Variants in KMT2B observed in about 807,000 individuals in gnomAD.
KMT2B encodes lysine methyltransferase 2B.
KMT2B carries 22 observed loss-of-function variants against 255.3 expected under a neutral mutation model. The observed-to-expected ratio is 0.09, with a 90% confidence interval of 0.06 to 0.12. The LOEUF (loss-of-function observed/expected upper bound fraction) is 0.12, where lower values mean the gene tolerates loss of function less well. Among genes scored for constraint, KMT2B ranks in the 10% least tolerant of loss-of-function variants. The pLI is 1.00. For synonymous variants in KMT2B, 1,730 were observed against 1,498.1 expected (o/e 1.15, Z -3.57); for missense variants, 3,149 against 3,737.0 (o/e 0.84, Z 4.10).
chr19:35,732,279 C>A lies in KMT2B; in HGVS notation c.5730C>A (p.Pro1910=), dbSNP rs369542583. Residue 1910 remains proline, a synonymous_variant, in exon 28 of 37, where the codon CCC becomes CCA. Coordinates refer to ENST00000420124, the MANE Select transcript of KMT2B (RefSeq NM_014727.3). ...TVGDPDFPAP[P]RRSRRPSPLA... ...GAGACCCGGACTTCCCAGCTCCCCC[C>A]AGACGTTCCCGTCGTCCCAGCCCTT... 2.5e-5 allele frequency: 41 copies of A among 1,610,420 alleles called. No individual in the cohort carries two copies. The highest frequency in any genetic ancestry group is 1.6e-4 in the Middle Eastern group (1 of 6,072).
chr19:35,732,827 C>A lies in KMT2B; in HGVS notation c.6278C>A (p.Ala2093Glu). 4.4e-6 allele frequency: 7 copies of A among 1,607,194 alleles called. No individual in the cohort carries two copies. The highest frequency in any genetic ancestry group is 4.2e-6 in the Non-Finnish European group (5 of 1,177,544). Residue 2093 changes from alanine (A) to glutamate (E), a missense_variant, in exon 28 of 37, where the codon GCA (alanine) becomes GAA (glutamate). Ala to Glu is a moderately radical substitution (Grantham distance 107, BLOSUM62 -1). Transcript: ENST00000420124. ...CCTTCGGGGCCAGGAGTAGTCCGGG[C>A]AGGGGTCCTTGGGGCTGCAGGGGAC... ...TPPSGPGVVR[A>E]GVLGAAGDRA...
rs749575457 is a variant in KMT2B at position 35,738,473 on chromosome 19, C to T, written c.8064C>T (p.Tyr2688=). 1.9e-5 allele frequency: 31 copies of T among 1,613,990 alleles called. 1 individual carries two copies. Among genetic ancestry groups the T allele is most frequent in the South Asian group, 5.5e-5 (5 of 91,086 alleles). Residue 2688 remains tyrosine, a synonymous_variant, in exon 37 of 37, where the codon TAC becomes TAT. Coordinates refer to ENST00000420124, the MANE Select transcript of KMT2B (RefSeq NM_014727.3). The surrounding 1 kb of genome is among the most constrained non-coding windows in gnomAD (Gnocchi z 8.7). ...RRILRGEELT[Y]DYKFPIEDAS... ...TCCTGCGTGGTGAGGAGCTCACCTA[C>T]GACTACAAGTTCCCCATCGAGGATG...
Position 35,723,538 on chromosome 19 carries a change from G to A in KMT2B, c.3058+36G>A, listed in dbSNP as rs755007412. On this transcript the variant is annotated intron_variant, in intron 7 of 36. Transcript: ENST00000420124. This position sits in a 1 kb window ranked among gnomAD's most constrained non-coding sequence, Gnocchi z 7.5. ...TTAAGGAGCATTTCTTCTCAAAACC[G>A]TGTTAGAGTTTGTGCTGTGGAGGGA... 8.4e-6 allele frequency: 13 copies of A among 1,540,908 alleles called. No homozygotes were observed. Among genetic ancestry groups the A allele is most frequent in the South Asian group, 4.8e-5 (4 of 83,144 alleles).
In KMT2B at chr19:35,723,475, C is replaced by A; in HGVS notation, c.3031C>A (p.Arg1011=). 1 of 1,574,520 alleles carries A rather than the reference C, an allele frequency of 6.4e-7. No individual in the cohort carries two copies. Among genetic ancestry groups the A allele is most frequent in the East Asian group, 2.4e-5 (1 of 42,462 alleles). Residue 1011 remains arginine (R), a synonymous_variant, in exon 7 of 37, where the codon CGG becomes AGG. Coordinates refer to ENST00000420124, the MANE Select transcript of KMT2B (RefSeq NM_014727.3). This position sits in a 1 kb window ranked among gnomAD's most constrained non-coding sequence, Gnocchi z 7.5. ...CCGGAAGTGTGACAAAATAGAGGCT[C>A]GGAAGATGGAACGACTGGCTAAAAA... ...VYRKCDKIEA[R]KMERLAKKGR...
At chr19:35,719,667 C>T in intron 2 of KMT2B, 117 bp from the exon 3 acceptor site, 1 of 1,511,020 alleles carries the variant, frequency 6.6e-7, no homozygotes, top group Non-Finnish European at 9.0e-7. Flanking sequence ...AGAGTCCAAG[C>T]TAGTCTGGGC....
intron 1 of KMT2B, 121 bp from the exon 2 acceptor site, chr19:35,719,348 C>T (rs1969088467): frequency 4.1e-6 from 3 of 726,048 alleles, no homozygotes; most frequent in Non-Finnish European, 6.8e-6. Flanking sequence ...CTTTTTCGTT[C>T]TTTTTAAATA....
In KMT2B at chr19:35,726,326, C is replaced by T; in HGVS notation, c.3976C>T (p.Pro1326Ser). Residue 1326 changes from proline to serine, a missense_variant, in exon 14 of 37, where the codon CCC (proline) becomes TCC (serine). This residue lies in a region of KMT2B where 377 missense variants were observed against 471.0 expected (regional missense o/e 0.80). Coordinates refer to ENST00000420124, the MANE Select transcript of KMT2B (RefSeq NM_014727.3). ...GTGGTCTGGAGATTACAGCCTCTGCCCCAGGTGCACCCAGCTATATGAGAA... is the reference window on the plus strand; with the variant it reads ...GTGGTCTGGAGATTACAGCCTCTGCTCCAGGTGCACCCAGCTATATGAGAA... ...VEWSGDYSLC[P>S]RCTQLYEKGN... 6.2e-7 allele frequency: 1 copy of T among 1,613,344 alleles called. No individual in the cohort carries two copies. Among genetic ancestry groups the T allele is most frequent in the Non-Finnish European group, 8.5e-7 (1 of 1,179,454 alleles).
intron 26 of KMT2B, 34 bp from the exon 27 acceptor site, chr19:35,731,874 C>T (rs1969707299): frequency 1.3e-6 from 2 of 1,503,452 alleles, no homozygotes; most frequent in Non-Finnish European, 1.9e-6. Context: ...ACACAGAGCC[C>T]CTACCACCCC....
intron 30 of KMT2B, 166 bp from the exon 31 acceptor site, chr19:35,736,524 G>A (rs1969923034): frequency 5.3e-6 from 4 of 761,022 alleles, no homozygotes; most frequent in African/African-American, 1.8e-5. Flanking sequence ...TGTCCATTCT[G>A]CAGGGCTCAC....
Position 35,720,525 on chromosome 19 carries a change from C to T in KMT2B, c.1178C>T (p.Ala393Val). ...GCTGTAGCTGAGGAGATGATGCCAG[C>T]TGCGGAAAAGGAAGAGGCAAAGCTG... ...ERAVAEEMMP[A>V]AEKEEAKLPP... is the part of the protein sequence containing the mutation. The change falls in exon 3 of 37, where the codon GCT (alanine) becomes GTT (valine). Residue 393 changes from alanine (A) to valine (V), a missense_variant. Coordinates refer to ENST00000420124, the MANE Select transcript of KMT2B (RefSeq NM_014727.3). The T allele has an allele frequency of 6.5e-7, 1 of 1,550,300 alleles. No individual in the cohort carries two copies. The highest frequency in any genetic ancestry group is 8.7e-7 in the Non-Finnish European group (1 of 1,146,464).
At position 35,738,035 on chromosome 19, in the gene KMT2B, G is replaced by GA; in HGVS notation, c.7743-26dup. ...TCTGGTTTCTGTCCCCCTCCCCCCT[G>GA]AGTTCCCTGTTCATCCTGCCCTGCA... is the stretch of plus-strand genomic sequence containing the variant. On this transcript the variant is annotated intron_variant, in intron 35 of 36. Coordinates refer to ENST00000420124, the MANE Select transcript of KMT2B (RefSeq NM_014727.3). This position sits in a 1 kb window ranked among gnomAD's most constrained non-coding sequence, Gnocchi z 8.7. The GA allele has an allele frequency of 6.2e-7, 1 of 1,613,730 alleles. No individual in the cohort carries two copies. Among genetic ancestry groups the GA allele is most frequent in the Non-Finnish European group, 8.5e-7 (1 of 1,179,762 alleles).
At position 35,723,354 on chromosome 19, in the gene KMT2B, A is replaced by G; in HGVS notation, c.3002+80A>G. 6.4e-7 allele frequency: 1 copy of G among 1,557,654 alleles called. No individual in the cohort carries two copies. The highest frequency in any genetic ancestry group is 1.2e-5 in the South Asian group (1 of 84,162). On this transcript the variant is annotated intron_variant, in intron 6 of 36. Transcript: ENST00000420124. This position sits in a 1 kb window ranked among gnomAD's most constrained non-coding sequence, Gnocchi z 7.5. ...TACCTCACTCCTCTTCTGCCTGGCC[A>G]GAGCAGTGGGGTTGGCATTCTTGTG...
intron 1 of KMT2B, among the ~76,000 whole-genome samples, 173 bp from the exon 2 acceptor site, chr19:35,719,296 C>A (rs924136431): frequency 4.6e-5 from 7 of 152,172 alleles, no homozygotes; most frequent in Admixed American, 2.0e-4. Context: ...GCCTCCATCC[C>A]TAGGGAGAGA....
intron 23 of KMT2B, 34 bp from the exon 24 acceptor site, chr19:35,730,308 T>A: frequency 6.2e-7 from 1 of 1,607,830 alleles, no homozygotes; most frequent in Non-Finnish European, 8.5e-7. Context: ...CCCCCACCAA[T>A]GCAGCCACCT....
chr19:35,738,530 C>T lies in KMT2B; in HGVS notation c.8121C>T (p.Ala2707=), dbSNP rs773643747. ...ASNKLPCNCG[A]KRCRRFLN ...ACAAGCTGCCCTGCAACTGTGGCGC[C>T]AAGCGCTGCCGTCGGTTCCTTAACT... Residue 2707 remains alanine, a synonymous_variant, in exon 37 of 37, where the codon GCC becomes GCT. Coordinates refer to ENST00000420124, the MANE Select transcript of KMT2B (RefSeq NM_014727.3). This position sits in a 1 kb window ranked among gnomAD's most constrained non-coding sequence, Gnocchi z 8.7. The T allele has an allele frequency of 1.2e-6, 2 of 1,613,830 alleles. No individual in the cohort carries two copies. The highest frequency in any genetic ancestry group is 2.2e-5 in the South Asian group (2 of 91,064).
intron 1 of KMT2B, 143 bp from the exon 2 acceptor site, chr19:35,719,326 C>T (rs183370968): frequency 4.4e-4 from 286 of 649,736 alleles, no homozygotes; most frequent in Admixed American, 1.3e-3. Flanking sequence ...CCACTACCCG[C>T]GACCTTTGAG....
At position 35,732,358 on chromosome 19, in the gene KMT2B, C is replaced by A. The variant is rs758813577; in HGVS notation, c.5809C>A (p.Pro1937Thr). Residue 1937 changes from proline (P) to threonine (T), a missense_variant, in exon 28 of 37, where the codon CCT (proline) becomes ACT (threonine). Pro to Thr is a conservative substitution (Grantham distance 38). Coordinates refer to ENST00000420124, the MANE Select transcript of KMT2B (RefSeq NM_014727.3). ...RWASPPLKTS[P>T]QLRVPPPTSV... is the part of the protein sequence containing the mutation. ...GGCCTCCCCTCCTCTAAAAACCTCC[C>A]CTCAGCTCAGGGTGCCCCCTCCTAC... 1.9e-6 allele frequency: 3 copies of A among 1,612,544 alleles called. No homozygotes were observed. Among genetic ancestry groups the A allele is most frequent in the Non-Finnish European group, 2.5e-6 (3 of 1,179,298 alleles).
intron 23 of KMT2B, 97 bp from the exon 24 acceptor site, chr19:35,730,245 C>T (rs1202236000): frequency 2.5e-6 from 4 of 1,595,810 alleles, no homozygotes; most frequent in Non-Finnish European, 2.6e-6. Context: ...TCTGTTTTCC[C>T]AGAGGCCTTT....
chr19:35,727,443 G>A lies in KMT2B; in HGVS notation c.4123G>A (p.Asp1375Asn). Residue 1375 changes from aspartate to asparagine, a missense_variant, in exon 16 of 37, where the codon GAC becomes AAC. Around this residue, in one of 18 missense-constraint regions of KMT2B, gnomAD observed 377 missense variants for 471.0 expected, o/e 0.80. Coordinates refer to ENST00000420124, the MANE Select transcript of KMT2B (RefSeq NM_014727.3). The surrounding 1 kb of genome is among the most constrained non-coding windows in gnomAD (Gnocchi z 4.2). Reference protein sequence around the residue: ...HAKCEGLSDEDYEILSGLPDS... With the variant: ...HAKCEGLSDENYEILSGLPDS... The stretch of plus-strand genomic sequence containing the variant: ...TTCCCACTTGGCTATCCTAGATGAA[G>A]ACTACGAGATCCTTTCAGGACTGCC... 2 of 1,613,326 alleles carry A rather than the reference G, an allele frequency of 1.2e-6. No homozygotes were observed. The highest frequency in any genetic ancestry group is 1.7e-6 in the Non-Finnish European group (2 of 1,179,868).
Sources: allele counts gnomAD v4.1 joint callset (sites outside exome capture counted in the v4.1 genomes callset), GRCh38; gene constraint gnomAD v4.1.1; regional missense constraint gnomAD v4.1.1; non-coding constraint Gnocchi (gnomAD v3.1); transcripts MANE v1.5; gene names NCBI Gene and HGNC (gene_info 2026-07-23, HGNC 2026-07-21).